SUGCT: variants seen among roughly 807,000 people sequenced by gnomAD.
SUGCT encodes the protein succinyl-CoA:glutarate-CoA transferase.
A neutral mutation model predicts 55.0 loss-of-function variants in SUGCT; 41 were observed. The ratio of observed to expected loss-of-function variants is 0.74; its 90% CI spans 0.58 to 0.97. The LOEUF (loss-of-function observed/expected upper bound fraction) is 0.97, where lower values mean the gene tolerates loss of function less well. Among genes scored for constraint, SUGCT ranks in the 50% least tolerant of loss-of-function variants. The probability of loss-of-function intolerance (pLI) is 0.00; values close to 1 mark genes in which losing one functional copy is unlikely to be tolerated. For missense variants in SUGCT, 568 were observed against 547.8 expected (o/e 1.04, Z -0.37); for synonymous variants, 187 against 200.4 (o/e 0.93, Z 0.56).
chr7:40,832,578 G>A (rs1374237713), intron 13 of SUGCT, among the ~76,000 whole-genome samples: 2 of 125,412 alleles, frequency 1.6e-5, no homozygotes, highest in Admixed American at 8.3e-5. Context: ...TTTTTTTCCC[G>A]GATGTGAGCA....
chr7:40,823,981 C>G (rs975935451), intron 13 of SUGCT, among the ~76,000 whole-genome samples: 7 of 152,008 alleles, frequency 4.6e-5, no homozygotes, highest in African/African-American at 1.4e-4. Context: ...AATGAATAAG[C>G]ACTGGTTCTT....
intron 13 of SUGCT, among the ~76,000 whole-genome samples, chr7:40,778,396 T>C (rs542522451): frequency 4.3e-4 from 65 of 152,380 alleles, no homozygotes; most frequent in African/African-American, 1.5e-3. Flanking sequence ...AGGATTAAAG[T>C]TATGTTTAGA....
chr7:40,213,057 A>G (rs1787432440), intron 6 of SUGCT, among the ~76,000 whole-genome samples: 1 of 152,206 alleles, frequency 6.6e-6, no homozygotes, highest in Admixed American at 6.5e-5. Flanking sequence ...TTTTCTTTCT[A>G]TAGGTCAAGA....
At chr7:40,948,603 C>T in the SUGCT span, among the ~76,000 whole-genome samples, 1 of 152,072 alleles carries the variant, frequency 6.6e-6, no homozygotes, top group African/African-American at 2.4e-5. Context: ...TATCCCTCCC[C>T]TTTCCCCCAC....
At chr7:40,415,261 T>G (rs1583630333) in intron 9 of SUGCT, among the ~76,000 whole-genome samples, 1 of 90,916 alleles carries the variant, frequency 1.1e-5, no homozygotes, top group Non-Finnish European at 2.0e-5. Flanking sequence ...AGAATGAGAC[T>G]CCATCTCAAA....
At chr7:40,565,993 GCACACACACACACACA>G (rs376444246) in intron 12 of SUGCT, among the ~76,000 whole-genome samples, 1 of 123,948 alleles carries the variant, frequency 8.1e-6, no homozygotes, top group East Asian at 2.2e-4. Flanking sequence ...ACACACACAC[GCACACACACACACACA>G]CACACACACA....
At chr7:40,801,039 G>A (rs1389164894) in intron 13 of SUGCT, among the ~76,000 whole-genome samples, 4 of 152,184 alleles carry the variant, frequency 2.6e-5, no homozygotes, top group African/African-American at 9.7e-5. Flanking sequence ...TCATGCAATG[G>A]TGGCAGACAA....
At chr7:40,296,612 CGTGTGTGTGTGTGTGTGTGTGT>C (rs10528858) in intron 8 of SUGCT, among the ~76,000 whole-genome samples, 9 of 144,720 alleles carry the variant, frequency 6.2e-5, no homozygotes, top group Admixed American at 6.9e-5. Flanking sequence ...GTGAGTGACT[CGTGTGTGTGTGTGTGTGTGTGT>C]GTGTGTGTGT....
intron 12 of SUGCT, among the ~76,000 whole-genome samples, chr7:40,741,214 G>A (rs1206312114): frequency 6.6e-6 from 1 of 151,840 alleles, no homozygotes; most frequent in African/African-American, 2.4e-5. Flanking sequence ...GGAGGGTTCA[G>A]TGAGCCGAGA....
intron 12 of SUGCT, among the ~76,000 whole-genome samples, chr7:40,529,105 G>A (rs1327139664): frequency 6.6e-6 from 1 of 152,206 alleles, no homozygotes; most frequent in African/African-American, 2.4e-5. Flanking sequence ...GAAGATCACT[G>A]AAGGGGAAGA....
chr7:40,539,946 A>G (rs890522647), intron 12 of SUGCT, among the ~76,000 whole-genome samples: 1 of 152,166 alleles, frequency 6.6e-6, no homozygotes, highest in Non-Finnish European at 1.5e-5. Context: ...TTTTTATAGT[A>G]TATCTGGGGA....
chr7:40,865,072 C>A (rs1052357153), downstream of SUGCT, among the ~76,000 whole-genome samples: 1 of 151,896 alleles, frequency 6.6e-6, no homozygotes, highest in African/African-American at 2.4e-5. Context: ...TTTTTCTCAG[C>A]CTTTGAACCT....
chr7:40,182,098 C>A, intron 3 of SUGCT, 70 bp downstream of exon 3: 1 of 889,472 alleles, frequency 1.1e-6, no homozygotes, highest in Non-Finnish European at 1.8e-6. Flanking sequence ...CTCTAAATAC[C>A]CATGTTTAGT....
chr7:40,301,536 T>TG (rs1161076024), intron 8 of SUGCT, among the ~76,000 whole-genome samples: 1 of 152,238 alleles, frequency 6.6e-6, no homozygotes, highest in African/African-American at 2.4e-5. Flanking sequence ...CACCTGGCTT[T>TG]GCACCTTTCC....
chr7:40,516,865 A>T (rs1793264360), intron 12 of SUGCT, among the ~76,000 whole-genome samples: 1 of 151,914 alleles, frequency 6.6e-6, no homozygotes, highest in Non-Finnish European at 1.5e-5. Flanking sequence ...TCTTGTAAGA[A>T]TCCAGCTGGG....
chr7:40,397,790 T>A (rs1308341927), intron 9 of SUGCT, among the ~76,000 whole-genome samples: 1 of 152,296 alleles, frequency 6.6e-6, no homozygotes, highest in East Asian at 1.9e-4. Context: ...TGAGGTGACT[T>A]GCAAGCTGTT....
At chr7:40,965,909 G>A in the SUGCT span, 1 of 152,116 alleles carries the variant, frequency 6.6e-6, no homozygotes, top group Non-Finnish European at 1.5e-5. Context: ...TAAAAAAAAT[G>A]GTAAGAATTC....
the SUGCT span, among the ~76,000 whole-genome samples, chr7:41,014,385 C>T: frequency 6.6e-6 from 1 of 152,076 alleles, no homozygotes; most frequent in Non-Finnish European, 1.5e-5. Context: ...AAAGAAACCT[C>T]AAAGTTAGAT....
chr7:40,457,387 T>G (rs903268349), intron 10 of SUGCT, among the ~76,000 whole-genome samples: 2 of 152,042 alleles, frequency 1.3e-5, no homozygotes, highest in African/African-American at 2.4e-5. Flanking sequence ...GAGGTTGCAG[T>G]GAGCTGAGAT....
Sources: allele counts gnomAD v4.1 joint callset (sites outside exome capture counted in the v4.1 genomes callset), GRCh38; gene constraint gnomAD v4.1.1; transcripts MANE v1.5; gene names NCBI Gene and HGNC (gene_info 2026-07-23, HGNC 2026-07-21).